The following BOK variants were observed in gnomAD, a reference collection of about 807,000 sequenced individuals.
The protein encoded by BOK is BCL2 family apoptosis regulator BOK, also known as bcl-2-related ovarian killer protein.
A neutral mutation model predicts 18.3 loss-of-function variants in BOK; 20 were observed. That is an observed-to-expected ratio of 1.09 (90% CI 0.77 to 1.59). BOK has a LOEUF of 1.59. BOK is among the 40% of genes most tolerant of loss of function. BOK has a pLI of 0.00. For synonymous variants in BOK, 173 were observed against 142.4 expected (o/e 1.21, Z -1.53); for missense variants, 348 against 307.9 (o/e 1.13, Z -0.97).
At chr2:241,571,275 T>C (rs1190551018) in intron 4 of BOK, among the ~76,000 whole-genome samples, 1 of 147,666 alleles carries the variant, frequency 6.8e-6, no homozygotes, top group Non-Finnish European at 1.5e-5. Flanking sequence ...TTCCTCTGTC[T>C]CCACGCCCCC....
At chr2:241,565,299 C>T (rs916704120) in intron 3 of BOK, among the ~76,000 whole-genome samples, 4 of 151,916 alleles carry the variant, frequency 2.6e-5, no homozygotes, top group African/African-American at 4.8e-5. Flanking sequence ...AGGGGAGCCA[C>T]GCAGGTTGAA....
At chr2:241,568,946 A>G (rs2066659935) in intron 3 of BOK, among the ~76,000 whole-genome samples, 1 of 152,058 alleles carries the variant, frequency 6.6e-6, no homozygotes, top group African/African-American at 2.4e-5. Flanking sequence ...TCCTCAGGCT[A>G]ACTCCCTCCA....
Position 241,562,305 on chromosome 2 carries a change from C to G in BOK, c.221-43C>G. On this transcript the variant is annotated intron_variant, in intron 2 of 4. Coordinates refer to ENST00000318407, the MANE Select transcript of BOK (RefSeq NM_032515.5). The surrounding 1 kb of genome is among the most constrained non-coding windows in gnomAD (Gnocchi z 4.5). ...CCCAAGCCAGTCGTGTCCCAGGAAG[C>G]TGGGACGTGGGCTGCCTCTCACCTG... 1 of 1,549,884 alleles carries G rather than the reference C, an allele frequency of 6.5e-7. No individual in the cohort carries two copies. Among genetic ancestry groups the G allele is most frequent in the Non-Finnish European group, 8.7e-7 (1 of 1,147,878 alleles).
At chr2:241,554,138 G>A (rs1477979214), upstream of BOK, among the ~76,000 whole-genome samples, 1 of 152,224 alleles carries the variant, frequency 6.6e-6, no homozygotes, top group Non-Finnish European at 1.5e-5. Flanking sequence ...GCGGCACAAG[G>A]CCACAGCAGC....
At position 241,559,711 on chromosome 2, in the gene BOK, C is replaced by G; in HGVS notation, c.220+8C>G. 5.4e-6 allele frequency: 7 copies of G among 1,301,490 alleles called. No individual in the cohort carries two copies. The highest frequency in any genetic ancestry group is 6.8e-6 in the Non-Finnish European group (7 of 1,028,480). The allele number at this position is 1,301,490 out of a possible 1,614,324, so 80.6% of individuals were successfully genotyped here. Reference sequence around the variant, plus strand: ...CGGTGCTGCTGCGCCTGGGTGAGTGCGCCCTGGTGGGATCCCCAGCTGCGC... The same window carrying G: ...CGGTGCTGCTGCGCCTGGGTGAGTGGGCCCTGGTGGGATCCCCAGCTGCGC... On this transcript the variant is annotated splice_region_variant and intron_variant, in intron 2 of 4. Coordinates refer to ENST00000318407, the MANE Select transcript of BOK (RefSeq NM_032515.5).
rs375947780 is a variant in BOK, at chr2:241,570,248, G to A, written c.473G>A (p.Arg158His). The change falls in exon 4 of 5, where the codon CGC becomes CAC. Residue 158 changes from arginine (R) to histidine (H), a missense_variant. Physicochemically the swap from Arg to His is conservative, Grantham distance 29. Transcript: ENST00000318407. ...GTGGACTGCCTGGGGGAGTTCGTGC[G>A]CAAGACCCTGGCAACCTGGCTGCGG... Reference protein sequence around the residue: ...ALVDCLGEFVRKTLATWLRRR... With the variant: ...ALVDCLGEFVHKTLATWLRRR... 4.2e-5 allele frequency: 66 copies of A among 1,585,134 alleles called. No individual in the cohort carries two copies. The highest frequency in any genetic ancestry group is 2.6e-4 in the South Asian group (23 of 87,842).
intron 4 of BOK, among the ~76,000 whole-genome samples, chr2:241,571,899 CAGG>C (rs2066728493): frequency 1.3e-5 from 2 of 152,242 alleles, no homozygotes; most frequent in Admixed American, 6.5e-5. Context: ...CAAGGCCCCA[CAGG>C]AGGATGACGG....
intron 1 of BOK, among the ~76,000 whole-genome samples, chr2:241,553,244 G>C (rs999037963): frequency 2.0e-5 from 3 of 152,174 alleles, no homozygotes; most frequent in Non-Finnish European, 4.4e-5. Context: ...TCCGCCTCCT[G>C]GGTTCAAGCA....
chr2:241,569,984 G>A, intron 3 of BOK, 141 bp from the exon 4 acceptor site: 2 of 1,072,792 alleles, frequency 1.9e-6, no homozygotes, highest in South Asian at 1.7e-5. Context: ...ATCCTGTCAG[G>A]GAGCGGTCCC....
intron 1 of BOK, among the ~76,000 whole-genome samples, chr2:241,559,198 C>A (rs2066484494): frequency 6.6e-6 from 1 of 151,626 alleles, no homozygotes; most frequent in Non-Finnish European, 1.5e-5. Context: ...TCTTCGAGGG[C>A]GGGCCCGGCG....
rs898778915 is a variant in BOK, at chr2:241,570,252, G to A, written c.477G>A (p.Lys159=). The change falls in exon 4 of 5, where the codon AAG becomes AAA. Residue 159 remains lysine (K), a synonymous_variant. Coordinates refer to ENST00000318407, the MANE Select transcript of BOK (RefSeq NM_032515.5). ...LVDCLGEFVR[K]TLATWLRRRG... ...ACTGCCTGGGGGAGTTCGTGCGCAA[G>A]ACCCTGGCAACCTGGCTGCGGAGAC... is the stretch of plus-strand genomic sequence containing the variant. The A allele has an allele frequency of 2.5e-6, 4 of 1,584,076 alleles. No individual in the cohort carries two copies. The highest frequency in any genetic ancestry group is 3.4e-6 in the Non-Finnish European group (4 of 1,166,650).
intron 3 of BOK, among the ~76,000 whole-genome samples, chr2:241,568,707 T>G (rs2066656101): frequency 6.6e-6 from 1 of 152,090 alleles, no homozygotes; most frequent in Non-Finnish European, 1.5e-5. Context: ...CGTGAGCCAC[T>G]GTGCCCAGCC....
At chr2:241,567,947 C>G (rs1320860443) in intron 3 of BOK, among the ~76,000 whole-genome samples, 1 of 152,124 alleles carries the variant, frequency 6.6e-6, no homozygotes, top group Non-Finnish European at 1.5e-5. Flanking sequence ...CATTCCCCAC[C>G]CCTCGCCCAC....
intron 3 of BOK, among the ~76,000 whole-genome samples, chr2:241,563,233 C>T (rs553434745): frequency 6.6e-6 from 1 of 152,336 alleles, no homozygotes; most frequent in East Asian, 1.9e-4. Flanking sequence ...TACTCGGTGC[C>T]CGCTGTCCAC....
chr2:241,568,604 GATGGGGTTTCACC>G (rs2066654495), intron 3 of BOK, among the ~76,000 whole-genome samples: 1 of 152,116 alleles, frequency 6.6e-6, no homozygotes, highest in South Asian at 2.1e-4. Context: ...TTTTAGTAGA[GATGGGGTTTCACC>G]ATGTTGGCCG....
Position 241,559,730 on chromosome 2 carries a change from G to T in BOK, c.220+27G>T, listed in dbSNP as rs151203264. On this transcript the variant is annotated intron_variant, in intron 2 of 4. Transcript: ENST00000318407. ...TGAGTGCGCCCTGGTGGGATCCCCAGCTGCGCCTCCTCCCCTGCTGGGCCG... is the reference window on the plus strand; with the variant it reads ...TGAGTGCGCCCTGGTGGGATCCCCATCTGCGCCTCCTCCCCTGCTGGGCCG... The T allele has an allele frequency of 4.7e-4, 604 of 1,287,780 alleles. 3 individuals are homozygous for T. The African/African-American group carries it at 8.7e-3, about 18-fold the overall frequency. 79.8% of individuals were successfully genotyped at this position (1,287,780 alleles called of 1,614,324 possible).
rs1158276678 is a variant in BOK at position 241,560,546 on chromosome 2, G to A, written c.220+843G>A. Among the ~76,000 whole-genome samples, 5 of 152,246 alleles carry A rather than the reference G, an allele frequency of 3.3e-5. No homozygotes were observed. In the South Asian group the frequency reaches 6.2e-4, roughly 19 times the overall value. On this transcript the variant is annotated intron_variant, in intron 2 of 4. Coordinates refer to ENST00000318407, the MANE Select transcript of BOK (RefSeq NM_032515.5). ...GGCTCTAGGTGGCCCCTGCCCTTAC[G>A]TGGTGGGCTGGGCCCAGAGAGCAAA... is the stretch of plus-strand genomic sequence containing the variant.
chr2:241,569,277 G>C (rs182859828), intron 3 of BOK, among the ~76,000 whole-genome samples: 1 of 151,910 alleles, frequency 6.6e-6, no homozygotes, highest in African/African-American at 2.4e-5. Flanking sequence ...GATTATAGGC[G>C]CGTGCCACCA....
At chr2:241,556,779 T>G (rs145163905), upstream of BOK, among the ~76,000 whole-genome samples, 184 of 152,292 alleles carry the variant, frequency 1.2e-3, no homozygotes, top group African/African-American at 4.1e-3. Context: ...AAATACTCCC[T>G]CATTTTTAGT....
Sources: allele counts gnomAD v4.1 joint callset (sites outside exome capture counted in the v4.1 genomes callset), GRCh38; gene constraint gnomAD v4.1.1; non-coding constraint Gnocchi (gnomAD v3.1); transcripts MANE v1.5; gene names NCBI Gene and HGNC (gene_info 2026-07-23, HGNC 2026-07-21).